The following KCNQ3 variants were observed in gnomAD, a reference collection of about 807,000 sequenced individuals.
KCNQ3 encodes potassium voltage-gated channel subfamily Q member 3.
Under a neutral mutation model 92.5 loss-of-function variants are expected in KCNQ3, and 30 were observed. That is an observed-to-expected ratio of 0.32 (90% confidence interval 0.24 to 0.44). The LOEUF (loss-of-function observed/expected upper bound fraction) is 0.44. KCNQ3 is among the 20% of genes least tolerant of loss of function. KCNQ3 has a pLI of 1.00. For synonymous variants in KCNQ3, 450 were observed against 468.8 expected, an observed-to-expected ratio of 0.96 and a Z score of 0.52; for missense variants, 913 against 1,140.3, an observed-to-expected ratio of 0.80 and a Z score of 2.87.
intron 1 of KCNQ3, among the ~76,000 whole-genome samples, chr8:132,406,881 G>C (rs891566251): frequency 6.6e-6 from 1 of 152,134 alleles, no homozygotes; most frequent in African/African-American, 2.4e-5. Flanking sequence ...TGGAAGAAAG[G>C]GGCCAAGACA....
intron 1 of KCNQ3, among the ~76,000 whole-genome samples, chr8:132,316,572 T>G (rs184883536): frequency 6.6e-6 from 1 of 152,340 alleles, no homozygotes; most frequent in East Asian, 1.9e-4. Context: ...CCAGAGTGAT[T>G]GTGAAATTCT....
intron 1 of KCNQ3, among the ~76,000 whole-genome samples, chr8:132,313,268 A>T (rs979588777): frequency 6.6e-6 from 1 of 152,246 alleles, no homozygotes; most frequent in African/African-American, 2.4e-5. Context: ...AATAGTTTAG[A>T]AAAACAGAAA....
intron 1 of KCNQ3, among the ~76,000 whole-genome samples, chr8:132,228,927 A>T (rs1447753549): frequency 2.0e-5 from 3 of 152,136 alleles, no homozygotes; most frequent in African/African-American, 2.4e-5. Flanking sequence ...ACAGGGAGAG[A>T]GGGAACAATC....
intron 9 of KCNQ3, among the ~76,000 whole-genome samples, chr8:132,141,760 A>C (rs57486467): frequency 0.015 from 2,353 of 152,310 alleles, 62 homozygotes; most frequent in African/African-American, 0.053. Context: ...CTCCTTGAAA[A>C]GAAACTGACA....
intron 1 of KCNQ3, among the ~76,000 whole-genome samples, chr8:132,457,864 T>C (rs183221675): frequency 1.0e-3 from 153 of 152,232 alleles, no homozygotes; most frequent in Non-Finnish European, 1.6e-3. Flanking sequence ...CTTAGGAAGG[T>C]TAGCAACTTT....
At chr8:132,304,310 A>C (rs1466051674) in intron 1 of KCNQ3, among the ~76,000 whole-genome samples, 1 of 152,230 alleles carries the variant, frequency 6.6e-6, no homozygotes, top group Admixed American at 6.5e-5. Flanking sequence ...AAATGTTTAA[A>C]AATGCCATAA....
chr8:132,298,947 A>C (rs566666663), intron 1 of KCNQ3, among the ~76,000 whole-genome samples: 12 of 152,076 alleles, frequency 7.9e-5, no homozygotes, highest in Admixed American at 5.2e-4. Flanking sequence ...AAAAAAAATT[A>C]CTCACTTTTA....
intron 1 of KCNQ3, among the ~76,000 whole-genome samples, chr8:132,257,515 G>A (rs1281899920): frequency 6.6e-6 from 1 of 152,040 alleles, no homozygotes; most frequent in Admixed American, 6.6e-5. Flanking sequence ...GGAGGCTGAG[G>A]CAGGCAGATC....
Position 132,182,264 on chromosome 8 carries a change from A to T in KCNQ3, c.605-1935T>A, listed in dbSNP as rs144195907. Among the ~76,000 whole-genome samples the T allele has an allele frequency of 3.7e-3, 559 of 152,262 alleles. 2 individuals are homozygous for T. Among genetic ancestry groups the T allele is most frequent in the Middle Eastern group, 0.031 (9 of 294 alleles). ...GCAGAGAAAACAAAAGAACACCAAG[A>T]TGTGTAGTAAACACTATGGTCTAAG... On this transcript the variant is annotated intron_variant, in intron 3 of 14. Coordinates refer to ENST00000388996, the MANE Select transcript of KCNQ3 (RefSeq NM_004519.4).
At chr8:132,344,895 G>A (rs945951481) in intron 1 of KCNQ3, among the ~76,000 whole-genome samples, 2 of 152,290 alleles carry the variant, frequency 1.3e-5, no homozygotes, top group African/African-American at 4.8e-5. Flanking sequence ...TGGGAGAAGG[G>A]AGAGAGAAGG....
chr8:132,159,512 C>T (rs569267366), intron 9 of KCNQ3, among the ~76,000 whole-genome samples: 1 of 152,232 alleles, frequency 6.6e-6, no homozygotes, highest in African/African-American at 2.4e-5. Context: ...CAAACTGGGT[C>T]AATCTGAGTG....
At chr8:132,369,942 G>T (rs947921116) in intron 1 of KCNQ3, among the ~76,000 whole-genome samples, 7 of 152,148 alleles carry the variant, frequency 4.6e-5, no homozygotes, top group Non-Finnish European at 8.8e-5. Context: ...TCACTCTAGG[G>T]CTTTCCCATG....
intron 1 of KCNQ3, among the ~76,000 whole-genome samples, chr8:132,263,228 C>T (rs1815851690): frequency 6.6e-6 from 1 of 152,178 alleles, no homozygotes; most frequent in Admixed American, 6.5e-5. Context: ...GCTCTTACAG[C>T]TCTGTCCCTG....
At chr8:132,319,638 G>A (rs1433412791) in intron 1 of KCNQ3, among the ~76,000 whole-genome samples, 3 of 152,188 alleles carry the variant, frequency 2.0e-5, no homozygotes, top group African/African-American at 7.2e-5. Context: ...GAGCTGCCAC[G>A]ACGAAGCAGC....
At chr8:132,458,656 T>C (rs1040157245) in intron 1 of KCNQ3, among the ~76,000 whole-genome samples, 5 of 152,224 alleles carry the variant, frequency 3.3e-5, no homozygotes, top group Non-Finnish European at 7.3e-5. Flanking sequence ...GGTTTCGCCA[T>C]GTTGGCCAAG....
chr8:132,355,209 A>G (rs1182331136), intron 1 of KCNQ3, among the ~76,000 whole-genome samples: 1 of 152,146 alleles, frequency 6.6e-6, no homozygotes, highest in Non-Finnish European at 1.5e-5. Flanking sequence ...CAATGTGCAT[A>G]AATTACTGGT....
At chr8:132,157,284 A>G (rs937860271) in intron 9 of KCNQ3, among the ~76,000 whole-genome samples, 5 of 152,226 alleles carry the variant, frequency 3.3e-5, no homozygotes, top group Admixed American at 6.5e-5. Flanking sequence ...AGAAGGCCAC[A>G]TGAACCATAA....
intron 1 of KCNQ3, among the ~76,000 whole-genome samples, chr8:132,304,669 G>A (rs958157001): frequency 2.6e-5 from 4 of 152,308 alleles, no homozygotes; most frequent in African/African-American, 9.6e-5. Context: ...ATATTGGACA[G>A]TGCAGCTTAT....
intron 9 of KCNQ3, among the ~76,000 whole-genome samples, chr8:132,143,831 G>A (rs1362649649): frequency 6.6e-6 from 1 of 151,838 alleles, no homozygotes; most frequent in Non-Finnish European, 1.5e-5. Context: ...TTTGGTTGTT[G>A]TTGTTTAAAT....
Sources: allele counts gnomAD v4.1 joint callset (sites outside exome capture counted in the v4.1 genomes callset), GRCh38; gene constraint gnomAD v4.1.1; transcripts MANE v1.5; gene names NCBI Gene and HGNC (gene_info 2026-07-23, HGNC 2026-07-21).